The following KCNH5 variants were observed in gnomAD, a reference collection of about 807,000 sequenced individuals.
The protein encoded by KCNH5 is voltage-gated delayed rectifier potassium channel KCNH5.
KCNH5 carries 46 observed loss-of-function variants against 96.1 expected under a neutral mutation model. That is an observed-to-expected ratio of 0.48 (90% CI 0.38 to 0.61). The LOEUF (loss-of-function observed/expected upper bound fraction) is 0.61. Among genes scored for constraint, KCNH5 ranks in the 20% least tolerant of loss-of-function variants. The probability of loss-of-function intolerance (pLI) is 0.00; values close to 1 mark genes in which losing one functional copy is unlikely to be tolerated. For synonymous variants in KCNH5, 439 were observed against 449.8 expected, an observed-to-expected ratio of 0.98 and a Z score of 0.30; for missense variants, 907 against 1,225.8, an observed-to-expected ratio of 0.74 and a Z score of 3.88.
Position 62,814,782 on chromosome 14 carries a change from C to CAAAAAAAAAAAAA in KCNH5, c.1570-12214_1570-12202dup, listed in dbSNP as rs71120235. On this transcript the variant is annotated intron_variant, in intron 8 of 10. Coordinates refer to ENST00000322893, the MANE Select transcript of KCNH5 (RefSeq NM_139318.5). ...TGGGCGACAAAGCGAGACTCCATCTCAAAAAAAAAAAAAAAAAAAAAAAAA... is the reference window on the plus strand; with the variant it reads ...TGGGCGACAAAGCGAGACTCCATCTCAAAAAAAAAAAAAAAAAAAAAAAAAAAAAAAAAAAAAA... 5.4e-3 allele frequency among the ~76,000 whole-genome samples: 182 copies of CAAAAAAAAAAAAA among 33,758 alleles called. 46 individuals are homozygous for CAAAAAAAAAAAAA. The highest frequency in any genetic ancestry group is 6.7e-3 in the African/African-American group (44 of 6,576). 22.1% of individuals were successfully genotyped at this position (33,758 alleles called of 152,430 possible). A position where few individuals can be genotyped will look rare whatever the true frequency, so the allele number is the denominator to read the frequency against.
intron 6 of KCNH5, among the ~76,000 whole-genome samples, chr14:62,964,336 C>T (rs778984310): frequency 3.3e-5 from 5 of 152,028 alleles, no homozygotes; most frequent in Admixed American, 2.0e-4. Flanking sequence ...AAAAGAAATC[C>T]TAACCTAACA....
chr14:62,842,157 A>C (rs1236553200), intron 8 of KCNH5, among the ~76,000 whole-genome samples: 1 of 152,234 alleles, frequency 6.6e-6, no homozygotes, highest in Non-Finnish European at 1.5e-5. Flanking sequence ...AATAATGTAA[A>C]GCTTGCAATG....
At chr14:62,805,080 A>C (rs564457663) in intron 8 of KCNH5, among the ~76,000 whole-genome samples, 16 of 152,164 alleles carry the variant, frequency 1.1e-4, no homozygotes, top group Admixed American at 5.2e-4. Context: ...AGAACGAAAA[A>C]ATTTAAATAC....
In KCNH5 at chr14:62,890,603, T is replaced by G. The variant is rs925412027; in HGVS notation, c.1370-40751A>C. Among the ~76,000 whole-genome samples the G allele has an allele frequency of 6.2e-5, 9 of 145,640 alleles. 1 individual carries two copies. Among genetic ancestry groups the G allele is most frequent in the South Asian group, 4.3e-4 (2 of 4,660 alleles). On this transcript the variant is annotated intron_variant, in intron 7 of 10. Transcript: ENST00000322893. ...AGTCCCAGCTACTTGGGAGGCTGAG[T>G]CAGGAGAATGGCGTGAACCCGGGAG...
intron 10 of KCNH5, among the ~76,000 whole-genome samples, chr14:62,763,442 T>A (rs745779585): frequency 6.6e-6 from 1 of 151,842 alleles, no homozygotes; most frequent in Non-Finnish European, 1.5e-5. Context: ...GGTAGAAAGA[T>A]CTCAAATTAA....
chr14:63,032,712 C>T (rs1013163599), intron 1 of KCNH5, among the ~76,000 whole-genome samples: 3 of 152,164 alleles, frequency 2.0e-5, no homozygotes, highest in Admixed American at 1.3e-4. Flanking sequence ...ACTGTCCAAG[C>T]TAATTACCCG....
intron 10 of KCNH5, among the ~76,000 whole-genome samples, chr14:62,759,622 C>G: frequency 6.8e-6 from 1 of 147,958 alleles, no homozygotes; most frequent in Admixed American, 6.8e-5. Flanking sequence ...ACAAACTTGT[C>G]CTGATTGAAT....
At chr14:62,840,583 T>C (rs1405764848) in intron 8 of KCNH5, among the ~76,000 whole-genome samples, 1 of 140,738 alleles carries the variant, frequency 7.1e-6, no homozygotes, top group Non-Finnish European at 1.5e-5. Flanking sequence ...TTTTTTTTTT[T>C]TTTTTTGAGA....
chr14:62,721,499 GCTCTCT>G (rs10567188), intron 10 of KCNH5, among the ~76,000 whole-genome samples: 22 of 149,244 alleles, frequency 1.5e-4, no homozygotes, highest in Middle Eastern at 3.2e-3. Context: ...TCACTCACTC[GCTCTCT>G]CTCTCTCTCT....
intron 3 of KCNH5, among the ~76,000 whole-genome samples, chr14:63,005,509 C>T (rs556251098): frequency 1.3e-5 from 2 of 152,276 alleles, no homozygotes; most frequent in South Asian, 4.1e-4. Context: ...CCATCAATTT[C>T]CATCAAAGAT....
intron 10 of KCNH5, among the ~76,000 whole-genome samples, chr14:62,711,381 G>T (rs78810464): frequency 0.031 from 4,699 of 152,224 alleles, 124 homozygotes; most frequent in South Asian, 0.074. Context: ...GACAGAGCTG[G>T]ATCTGTATTT....
chr14:62,995,351 C>T (rs928280702), intron 4 of KCNH5, among the ~76,000 whole-genome samples: 3 of 152,084 alleles, frequency 2.0e-5, no homozygotes, highest in Non-Finnish European at 4.4e-5. Flanking sequence ...AATGCTAAAA[C>T]ACTATTTCTT....
intron 7 of KCNH5, among the ~76,000 whole-genome samples, chr14:62,943,801 A>C (rs1889835140): frequency 6.6e-6 from 1 of 152,166 alleles, no homozygotes; most frequent in African/African-American, 2.4e-5. Context: ...GAGTATGAAA[A>C]AACCAAGAGA....
intron 8 of KCNH5, among the ~76,000 whole-genome samples, chr14:62,814,782 C>CAAAA (rs71120235): frequency 0.033 from 1,126 of 33,706 alleles, 245 homozygotes; most frequent in East Asian, 0.051. Context: ...GACTCCATCT[C>CAAAA]AAAAAAAAAA....
chr14:62,893,669 T>C (rs1888754788), intron 7 of KCNH5, among the ~76,000 whole-genome samples: 1 of 152,048 alleles, frequency 6.6e-6, no homozygotes, highest in East Asian at 1.9e-4. Context: ...GGCAAGAGAA[T>C]TGCTTGAACT....
chr14:62,715,197 C>A (rs540603270), intron 10 of KCNH5, among the ~76,000 whole-genome samples: 1 of 151,984 alleles, frequency 6.6e-6, no homozygotes, highest in African/African-American at 2.4e-5. Flanking sequence ...CTTTGAAATC[C>A]AATAAAGGCA....
Position 62,978,296 on chromosome 14 carries a change from A to G in KCNH5, c.942+2576T>C, listed in dbSNP as rs1890538974. Among the ~76,000 whole-genome samples the G allele has an allele frequency of 5.3e-5, 8 of 152,334 alleles. 1 individual carries two copies. The highest frequency in any genetic ancestry group is 5.2e-4 in the Admixed American group (8 of 15,302). ...TAACAATAGGCTTTCTAAAGCCAGG[A>G]GCTGGACCCAGGGTGCCGCTGACCG... On this transcript the variant is annotated intron_variant, in intron 6 of 10. Transcript: ENST00000322893.
chr14:62,863,672 T>C (rs920547202), intron 7 of KCNH5, among the ~76,000 whole-genome samples: 1 of 152,062 alleles, frequency 6.6e-6, no homozygotes, highest in Non-Finnish European at 1.5e-5. Flanking sequence ...AAATAATACA[T>C]AAAAATATTC....
chr14:63,016,322 T>C (rs761561034), intron 2 of KCNH5, among the ~76,000 whole-genome samples: 1 of 152,096 alleles, frequency 6.6e-6, no homozygotes, highest in Non-Finnish European at 1.5e-5. Flanking sequence ...ATAATATAAA[T>C]GTCAGATTCT....
Sources: gnomAD v4.1 joint callset for allele counts (sites outside exome capture counted in the v4.1 genomes callset) on GRCh38, gnomAD v4.1.1 for gene constraint, MANE v1.5 for transcripts, NCBI Gene and HGNC (gene_info 2026-07-23, HGNC 2026-07-21) for gene names.